CCDC136: variants seen among roughly 807,000 people sequenced by gnomAD.
CCDC136 encodes the protein coiled-coil domain containing 136, also known as coiled-coil domain-containing protein 136.
Under a neutral mutation model 141.2 loss-of-function variants are expected in CCDC136, and 100 were observed. The observed-to-expected ratio is 0.71, with a 90% CI of 0.60 to 0.84. The LOEUF is 0.84. Ranked by LOEUF, CCDC136 falls within the 40% of genes least tolerant of loss-of-function variation. The probability of loss-of-function intolerance (pLI) is 0.00; values close to 1 mark genes in which losing one functional copy is unlikely to be tolerated. For missense variants in CCDC136, 1,206 were observed against 1,379.4 expected (o/e 0.87, Z 1.99); for synonymous variants, 474 against 531.9 (o/e 0.89, Z 1.50).
intron 3 of CCDC136, among the ~76,000 whole-genome samples, chr7:128,797,676 G>A (rs1216523057): frequency 6.6e-6 from 1 of 152,190 alleles, no homozygotes; most frequent in East Asian, 1.9e-4. Flanking sequence ...GGGAGATGAA[G>A]GTGAGTACCG....
At position 128,794,344 on chromosome 7, in the gene CCDC136, C is replaced by G; in HGVS notation, c.17-4C>G. 3 of 1,552,300 alleles carry G rather than the reference C, an allele frequency of 1.9e-6. No homozygotes were observed. Among genetic ancestry groups the G allele is most frequent in the Non-Finnish European group, 1.7e-6 (2 of 1,147,194 alleles). On this transcript the variant is annotated splice_region_variant and splice_polypyrimidine_tract_variant and intron_variant, in intron 1 of 17. Coordinates refer to ENST00000297788, the MANE Select transcript of CCDC136 (RefSeq NM_022742.5). The surrounding 1 kb of genome is among the most constrained non-coding windows in gnomAD (Gnocchi z 4.3). ...CTCCTTGGTGGGATGGCTGTGTCTC[C>G]TAGGGGAGGTGTTACTCCCAGCTCT...
chr7:128,814,966 T>G, intron 15 of CCDC136, 47 bp downstream of exon 15: 2 of 1,459,194 alleles, frequency 1.4e-6, no homozygotes, highest in Non-Finnish European at 1.8e-6. Flanking sequence ...GAGGAGGAGA[T>G]CCTGGGAAGA....
At chr7:128,795,444 T>C (rs1802798715) in intron 3 of CCDC136, among the ~76,000 whole-genome samples, 1 of 151,876 alleles carries the variant, frequency 6.6e-6, no homozygotes, top group Non-Finnish European at 1.5e-5. Context: ...GCAGGGACTC[T>C]GGGGAGAACT....
rs199650087 is a variant in CCDC136, at chr7:128,814,810, G to A, written c.2936G>A (p.Arg979Gln). 8.8e-5 allele frequency: 142 copies of A among 1,611,580 alleles called. 1 individual carries two copies. The African/African-American group carries it at 1.3e-3, about 15-fold the overall frequency. The change falls in exon 15 of 18, where the codon CGG (arginine) becomes CAG (glutamine). Residue 979 changes from arginine to glutamine, a missense_variant. Coordinates refer to ENST00000297788, the MANE Select transcript of CCDC136 (RefSeq NM_022742.5). ...EKRPSVVKEA[R>Q]GKNANKNMNK... ...AGGCCTTCTGTTGTCAAAGAAGCCC[G>A]GGGGAAGAATGCTAATAAGAACATG... is the stretch of plus-strand genomic sequence containing the variant.
chr7:128,803,831 T>C (rs77441966), intron 4 of CCDC136, among the ~76,000 whole-genome samples: 2 of 151,436 alleles, frequency 1.3e-5, no homozygotes, highest in Non-Finnish European at 2.9e-5. Context: ...TTTTTTTTTT[T>C]TGAGACAGAG....
chr7:128,809,232 C>T (rs979899332), intron 10 of CCDC136: 74 of 472,894 alleles, frequency 1.6e-4, no homozygotes, highest in Non-Finnish European at 2.1e-4. Context: ...AGGCCAGCCA[C>T]CAGTCTAGAG....
intron 10 of CCDC136, among the ~76,000 whole-genome samples, chr7:128,808,168 C>T (rs1005645419): frequency 6.6e-6 from 1 of 152,216 alleles, no homozygotes; most frequent in African/African-American, 2.4e-5. Flanking sequence ...TCCCAAGTAG[C>T]TGGGACTACA....
chr7:128,803,815 C>CT (rs547570254), intron 4 of CCDC136, among the ~76,000 whole-genome samples: 21,656 of 135,202 alleles, frequency 0.16, 3,503 homozygotes, highest in African/African-American at 0.4. Context: ...GAAAGAATTC[C>CT]TTTTTTTTTT....
Position 128,815,878 on chromosome 7 carries a change from TC to T in CCDC136, c.3313del (p.Glu1106LysfsTer31). 1 of 1,613,776 alleles carries T rather than the reference TC, an allele frequency of 6.2e-7. No homozygotes were observed. Among genetic ancestry groups the T allele is most frequent in the African/African-American group, 1.3e-5 (1 of 74,976 alleles). On this transcript the variant is annotated frameshift_variant, in exon 16 of 18. Transcript: ENST00000297788. LOFTEE classifies it high-confidence loss of function. ...SEEEEDDADS[S>X]LESPEENNPL... ...AGAGGAGGAGGATGACGCCGACTCT[TC>T]CCTTGAAAGTCCCGAAGAAAATAAC... is the stretch of plus-strand genomic sequence containing the variant.
rs1804723257 is a variant in CCDC136, at chr7:128,805,700, G to A, written c.949-61G>A. 1 of 1,597,898 alleles carries A rather than the reference G, an allele frequency of 6.3e-7. No homozygotes were observed. On this transcript the variant is annotated intron_variant, in intron 6 of 17. Transcript: ENST00000297788. This position sits in a 1 kb window ranked among gnomAD's most constrained non-coding sequence, Gnocchi z 4.6. The stretch of plus-strand genomic sequence containing the variant: ...AGAGCGCCATGCTTTCCCCAAGCTT[G>A]TTCTTGGAGCATATGTGGTATCTGT...
chr7:128,799,709 G>A (rs1803691996), intron 3 of CCDC136, among the ~76,000 whole-genome samples: 1 of 152,166 alleles, frequency 6.6e-6, no homozygotes, highest in African/African-American at 2.4e-5. Context: ...AGAATGAGCA[G>A]AAGTTGGGGG....
intron 3 of CCDC136, among the ~76,000 whole-genome samples, chr7:128,798,130 G>C (rs1178104418): frequency 6.7e-6 from 1 of 149,312 alleles, no homozygotes; most frequent in African/African-American, 2.5e-5. Flanking sequence ...TGTTAGCCAG[G>C]ATGGTCTCGA....
At chr7:128,800,709 GT>G (rs1228859242) in intron 3 of CCDC136, among the ~76,000 whole-genome samples, 1 of 152,186 alleles carries the variant, frequency 6.6e-6, no homozygotes, top group Non-Finnish European at 1.5e-5. Flanking sequence ...AATGCACATT[GT>G]TTTAGGTCCA....
In CCDC136 at chr7:128,809,437, C is replaced by T. The variant is rs1805370465; in HGVS notation, c.1606-13C>T. On this transcript the variant is annotated splice_polypyrimidine_tract_variant and intron_variant, in intron 10 of 17. Transcript: ENST00000297788. ...AGAGTAACCACCCCCTCCACACCCG[C>T]CCCCACCCACAGTGTGACACACTGC... 2 of 1,492,796 alleles carry T rather than the reference C, an allele frequency of 1.3e-6. No homozygotes were observed. The highest frequency in any genetic ancestry group is 1.8e-6 in the Non-Finnish European group (2 of 1,098,912). The allele number at this position is 1,492,796 out of a possible 1,614,324, so 92.5% of individuals were successfully genotyped here. A position where few individuals can be genotyped will look rare whatever the true frequency, so the allele number is the denominator to read the frequency against.
chr7:128,796,739 A>ATATATATATATATATATATATATT, intron 3 of CCDC136, among the ~76,000 whole-genome samples: 2 of 113,372 alleles, frequency 1.8e-5, no homozygotes, highest in African/African-American at 4.6e-5. Context: ...ATATATATAT[A>ATATATATATATATATATATATATT]TTCTTTTTTT....
At chr7:128,803,262 T>C (rs925748276) in intron 4 of CCDC136, among the ~76,000 whole-genome samples, 1 of 152,174 alleles carries the variant, frequency 6.6e-6, no homozygotes, top group African/African-American at 2.4e-5. Flanking sequence ...TACCTTGGCC[T>C]TCCAAAATGT....
At chr7:128,802,753 G>A (rs1300244644) in intron 4 of CCDC136, among the ~76,000 whole-genome samples, 1 of 152,062 alleles carries the variant, frequency 6.6e-6, no homozygotes, top group African/African-American at 2.4e-5. Flanking sequence ...AGGGAAATTG[G>A]GTGAGAACCC....
Position 128,815,854 on chromosome 7 carries a change from G to C in CCDC136, c.3286G>C (p.Glu1096Gln). 6.2e-7 allele frequency: 1 copy of C among 1,613,618 alleles called. No individual in the cohort carries two copies. The highest frequency in any genetic ancestry group is 1.6e-4 in the Middle Eastern group (1 of 6,062). ...EEEEKEEDSE[E>Q]EEDDADSSLE... is the part of the protein sequence containing the mutation. ...AGAGGAGAAGGAAGAAGACAGTGAAGAGGAGGAGGATGACGCCGACTCTTC... is the reference window on the plus strand; with the variant it reads ...AGAGGAGAAGGAAGAAGACAGTGAACAGGAGGAGGATGACGCCGACTCTTC... Residue 1096 changes from glutamate (E) to glutamine (Q), a missense_variant, in exon 16 of 18, where the codon GAG (glutamate) becomes CAG (glutamine). Coordinates refer to ENST00000297788, the MANE Select transcript of CCDC136 (RefSeq NM_022742.5).
intron 10 of CCDC136, chr7:128,808,532 T>C (rs1350123864): frequency 3.0e-6 from 3 of 985,238 alleles, no homozygotes; most frequent in Non-Finnish European, 3.6e-6. Flanking sequence ...TGATTACTGA[T>C]GGGAAATGGA....
Sources: allele counts gnomAD v4.1 joint callset (sites outside exome capture counted in the v4.1 genomes callset), GRCh38; gene constraint gnomAD v4.1.1; non-coding constraint Gnocchi (gnomAD v3.1); transcripts MANE v1.5; gene names NCBI Gene and HGNC (gene_info 2026-07-23, HGNC 2026-07-21).